Variants in BANP observed in about 807,000 individuals in gnomAD.
The protein encoded by BANP is BTG3 associated nuclear protein.
In BANP, 11 loss-of-function variants were observed where a neutral mutation model predicts 68.1. That is an observed-to-expected ratio of 0.16 (90% CI 0.10 to 0.27). The LOEUF (loss-of-function observed/expected upper bound fraction) is 0.27, where lower values mean the gene tolerates loss of function less well. BANP is among the 10% of genes least tolerant of loss of function. The pLI is 1.00. For synonymous variants in BANP, 329 were observed against 303.2 expected (o/e 1.09, Z -0.88); for missense variants, 504 against 722.7 (o/e 0.70, Z 3.47).
intron 6 of BANP, among the ~76,000 whole-genome samples, chr16:88,007,965 G>A (rs1027135516): frequency 1.6e-4 from 24 of 151,858 alleles, no homozygotes; most frequent in African/African-American, 4.8e-4. Context: ...TCATCACTTC[G>A]GACTAATTCT....
rs542644804 is a variant in BANP at position 87,985,758 on chromosome 16, C to T, written c.362+1499C>T. On this transcript the variant is annotated intron_variant, in intron 4 of 13. Transcript: ENST00000682872. ...CCGGGGGGCAGTCCCTGCAGACGGA[C>T]CCAGGTGTGACACTGGGAGTTCAGC... is the stretch of plus-strand genomic sequence containing the variant. 3.3e-5 allele frequency among the ~76,000 whole-genome samples: 5 copies of T among 152,252 alleles called. No homozygotes were observed. The East Asian group carries it at 9.7e-4, about 29-fold the overall frequency.
At chr16:87,954,278 C>T (rs1023706537) in intron 1 of BANP, among the ~76,000 whole-genome samples, 2 of 152,144 alleles carry the variant, frequency 1.3e-5, no homozygotes, top group African/African-American at 4.8e-5. Flanking sequence ...GTTTCTTTTT[C>T]ATAGTAGCTT....
At chr16:88,056,260 T>C (rs1247466921) in intron 11 of BANP, among the ~76,000 whole-genome samples, 1 of 152,222 alleles carries the variant, frequency 6.6e-6, no homozygotes, top group Non-Finnish European at 1.5e-5. Flanking sequence ...TGGTCTGTTT[T>C]GGCAAGCAGC....
chr16:88,066,469 G>T (rs1404878935), intron 12 of BANP, among the ~76,000 whole-genome samples: 1 of 152,200 alleles, frequency 6.6e-6, no homozygotes, highest in Non-Finnish European at 1.5e-5. Flanking sequence ...CAGCCAGAAG[G>T]AGCTCGAAGG....
intron 11 of BANP, among the ~76,000 whole-genome samples, chr16:88,043,068 G>C (rs11117352): frequency 1.3e-5 from 2 of 152,176 alleles, no homozygotes; most frequent in African/African-American, 4.8e-5. Context: ...AGCTGCCTAA[G>C]TGAGAGTCTC....
At position 87,975,676 on chromosome 16, in the gene BANP, C is replaced by T. The variant is rs372844315; in HGVS notation, c.70+491C>T. Among the ~76,000 whole-genome samples, 27 of 151,496 alleles carry T rather than the reference C, an allele frequency of 1.8e-4. No individual in the cohort carries two copies. The East Asian group carries it at 3.3e-3, about 19-fold the overall frequency. On this transcript the variant is annotated intron_variant, in intron 2 of 13. Coordinates refer to ENST00000682872, the MANE Select transcript of BANP (RefSeq NM_001386991.1). ...GTGTGTAATCCCCTGTGTGTGGCGT[C>T]ATGGAACCTTACCATGTGGTGTGTG...
At chr16:87,981,209 G>A (rs952156477) in intron 3 of BANP, 82 bp downstream of exon 3, 1 of 1,051,088 alleles carries the variant, frequency 9.5e-7, no homozygotes, top group African/African-American at 1.6e-5. Flanking sequence ...TCAATGGGAT[G>A]GCTTCAAAAT....
rs187699542 is a variant in BANP at position 87,989,975 on chromosome 16, G to A, written c.362+5716G>A. Among the ~76,000 whole-genome samples, 190 of 152,032 alleles carry A rather than the reference G, an allele frequency of 1.2e-3. 3 individuals carry two copies. The highest frequency in any genetic ancestry group is 0.01 in the Middle Eastern group (3 of 294). On this transcript the variant is annotated intron_variant, in intron 4 of 13. Coordinates refer to ENST00000682872, the MANE Select transcript of BANP (RefSeq NM_001386991.1). ...AGGGGATGCAGGCCCGCGTGGCTGC[G>A]CGCATCCAGGACACAGGGCAGGTGA...
intron 11 of BANP, among the ~76,000 whole-genome samples, chr16:88,042,555 C>G (rs1038636851): frequency 6.6e-6 from 1 of 152,232 alleles, no homozygotes; most frequent in Non-Finnish European, 1.5e-5. Flanking sequence ...GTTCCAGCAT[C>G]GCTGGCTGGG....
intron 11 of BANP, among the ~76,000 whole-genome samples, chr16:88,061,916 C>T (rs532578387): frequency 4.0e-4 from 61 of 152,174 alleles, no homozygotes; most frequent in African/African-American, 1.3e-3. Flanking sequence ...GCCTCGGCCT[C>T]CCAAAGTGCT....
chr16:88,012,878 C>G (rs1009592981), intron 6 of BANP, among the ~76,000 whole-genome samples: 6 of 152,184 alleles, frequency 3.9e-5, no homozygotes, highest in African/African-American at 1.4e-4. Flanking sequence ...TAACTATTCA[C>G]TGTGGTCTGA....
In BANP at chr16:88,036,323, G is replaced by GGACT. The variant is rs2079344646; in HGVS notation, c.1272+929_1272+930insGACT. The stretch of plus-strand genomic sequence containing the variant: ...CAGCAGCAGAGACTAGGAAGCCCGG[G>GGACT]TGCTGAGGTCAAGGGGACTCATGGA... On this transcript the variant is annotated intron_variant, in intron 10 of 13. Coordinates refer to ENST00000682872, the MANE Select transcript of BANP (RefSeq NM_001386991.1). The surrounding 1 kb of genome is among the most constrained non-coding windows in gnomAD (Gnocchi z 4.2). Among the ~76,000 whole-genome samples, 13 of 152,336 alleles carry GGACT rather than the reference G, an allele frequency of 8.5e-5. No individual in the cohort carries two copies. In the South Asian group the frequency reaches 2.7e-3, roughly 32 times the overall value.
At chr16:87,996,262 C>T (rs1326791498) in intron 4 of BANP, among the ~76,000 whole-genome samples, 1 of 152,246 alleles carries the variant, frequency 6.6e-6, no homozygotes, top group Non-Finnish European at 1.5e-5. Context: ...GAGACCGGGA[C>T]CCACCTGGCG....
upstream of BANP, among the ~76,000 whole-genome samples, chr16:87,949,968 C>T (rs2056653573): frequency 1.3e-5 from 2 of 151,638 alleles, no homozygotes; most frequent in Non-Finnish European, 1.5e-5. Flanking sequence ...AGCTCCGCCT[C>T]CCGGGTTCAC....
chr16:88,073,828 C>A (rs529096010), intron 13 of BANP, among the ~76,000 whole-genome samples: 4 of 152,242 alleles, frequency 2.6e-5, no homozygotes, highest in Non-Finnish European at 5.9e-5. Flanking sequence ...AAACCTGTGT[C>A]CCATGGTTGG....
chr16:88,006,058 C>T (rs201658021), intron 5 of BANP, 32 bp from the exon 6 acceptor site: 1 of 1,613,094 alleles, frequency 6.2e-7, no homozygotes, highest in East Asian at 2.2e-5. Context: ...GCTCTTACCA[C>T]ATCGGGCTGG....
At chr16:87,983,920 C>T in intron 3 of BANP, 140 bp from the exon 4 acceptor site, 3 of 1,323,910 alleles carry the variant, frequency 2.3e-6, no homozygotes, top group Non-Finnish European at 3.1e-6. Context: ...GCTCATAGCT[C>T]ACGGGCTATT....
rs1288068681 is a variant in BANP at position 88,038,186 on chromosome 16, C to T, written c.1311+175C>T. Among the ~76,000 whole-genome samples, 5 of 151,316 alleles carry T rather than the reference C, an allele frequency of 3.3e-5. 1 individual carries two copies. The South Asian group carries it at 6.3e-4, about 19-fold the overall frequency. On this transcript the variant is annotated intron_variant, in intron 11 of 13. Coordinates refer to ENST00000682872, the MANE Select transcript of BANP (RefSeq NM_001386991.1). The stretch of plus-strand genomic sequence containing the variant: ...GGTGGGACGGTCATTGTGGGCATTG[C>T]GCTGCCGAGGGGTGGGGCTCTCATG...
At chr16:87,956,921 TCA>T (rs901123668) in intron 1 of BANP, 2 of 152,150 alleles carry the variant, frequency 1.3e-5, no homozygotes, top group Non-Finnish European at 2.9e-5. Context: ...GCCGTAAGTC[TCA>T]GAGAGAGGAG....
Sources: gnomAD v4.1 joint callset for allele counts (sites outside exome capture counted in the v4.1 genomes callset) on GRCh38, gnomAD v4.1.1 for gene constraint, Gnocchi (gnomAD v3.1) non-coding constraint, MANE v1.5 for transcripts, NCBI Gene and HGNC (gene_info 2026-07-23, HGNC 2026-07-21) for gene names.